NELFA: variants seen among roughly 807,000 people sequenced by gnomAD.
NELFA encodes negative elongation factor complex member A, also known as negative elongation factor A.
In NELFA, 35 loss-of-function variants were observed where a neutral mutation model predicts 51.8. That is an observed-to-expected ratio of 0.68 (90% CI 0.52 to 0.90). NELFA has a LOEUF of 0.90. Among genes scored for constraint, NELFA ranks in the 40% least tolerant of loss-of-function variants. The probability of loss-of-function intolerance (pLI) is 0.00; values close to 1 mark genes in which losing one functional copy is unlikely to be tolerated. For synonymous variants in NELFA, 417 were observed against 338.4 expected, an observed-to-expected ratio of 1.23 and a Z score of -2.55; for missense variants, 658 against 746.4, an observed-to-expected ratio of 0.88 and a Z score of 1.38.
intron 1 of NELFA, 58 bp downstream of exon 1, chr4:2,008,692 G>A: frequency 1.3e-6 from 2 of 1,544,868 alleles, no homozygotes; most frequent in Non-Finnish European, 1.8e-6. Flanking sequence ...TTGGGTGTGC[G>A]GGTCGGAGGT....
At chr4:2,004,171 A>C (rs983288409) in intron 1 of NELFA, 1 of 152,138 alleles carries the variant, frequency 6.6e-6, no homozygotes, top group Non-Finnish European at 1.5e-5. Flanking sequence ...AAAAAGAAAA[A>C]AAAAGAAGAA....
rs75133248 is a variant in NELFA at position 1,987,254 on chromosome 4, C to T, written c.634+664G>A. ...TCAGCCCCACCCATCTGCAAGTTTACCCAGCTGTCTCAGCACAGGACGACA... is the reference window on the plus strand; with the variant it reads ...TCAGCCCCACCCATCTGCAAGTTTATCCAGCTGTCTCAGCACAGGACGACA... On this transcript the variant is annotated intron_variant, in intron 4 of 10. Coordinates refer to ENST00000382882, the MANE Select transcript of NELFA (RefSeq NM_005663.5). Among the ~76,000 whole-genome samples, 499 of 152,322 alleles carry T rather than the reference C, an allele frequency of 3.3e-3. 14 individuals carry two copies. The East Asian group carries it at 0.061, about 19-fold the overall frequency.
At chr4:1,994,562 CAA>C (rs561811060) in intron 1 of NELFA, among the ~76,000 whole-genome samples, 2 of 125,132 alleles carry the variant, frequency 1.6e-5, no homozygotes, top group Non-Finnish European at 1.7e-5. Context: ...AAGAGTCTGT[CAA>C]AAAAAAAAAA....
chr4:2,000,836 C>T (rs1728550689), intron 1 of NELFA, among the ~76,000 whole-genome samples: 1 of 152,080 alleles, frequency 6.6e-6, no homozygotes, highest in Non-Finnish European at 1.5e-5. Flanking sequence ...TGGGAAGAGA[C>T]AACAAAAAAG....
intron 1 of NELFA, 67 bp from the exon 2 acceptor site, chr4:1,991,782 C>G (rs1728276887): frequency 6.7e-7 from 1 of 1,495,618 alleles, no homozygotes. Flanking sequence ...CCCTGCTGAG[C>G]TTCCGGATGG....
chr4:2,007,137 G>A, intron 1 of NELFA: 1 of 434,950 alleles, frequency 2.3e-6, no homozygotes, highest in Non-Finnish European at 4.7e-6. Context: ...AGGTGAGGAG[G>A]TCAAGGCTGC....
rs760311104 is a variant in NELFA, at chr4:1,986,081, C to T, written c.835+33G>A. The stretch of plus-strand genomic sequence containing the variant: ...ACTGGGCAGGGCCCGCAGGGACCCC[C>T]ATTGCCGCCGACACGCAGGCCCCAA... On this transcript the variant is annotated intron_variant, in intron 6 of 10. Transcript: ENST00000382882. 8.4e-6 allele frequency: 13 copies of T among 1,547,792 alleles called. 1 individual carries two copies. The highest frequency in any genetic ancestry group is 2.4e-5 in the South Asian group (2 of 83,940).
chr4:1,986,075 G>C, intron 6 of NELFA, 39 bp downstream of exon 6: 1 of 1,545,648 alleles, frequency 6.5e-7, no homozygotes. Flanking sequence ...GGCCCGCAGG[G>C]ACCCCCATTG....
chr4:1,986,418 A>T lies in NELFA; in HGVS notation c.635-16T>A. 6.2e-7 allele frequency: 1 copy of T among 1,612,692 alleles called. No homozygotes were observed. Among genetic ancestry groups the T allele is most frequent in the Non-Finnish European group, 8.5e-7 (1 of 1,179,654 alleles). On this transcript the variant is annotated splice_polypyrimidine_tract_variant and intron_variant, in intron 4 of 10. Coordinates refer to ENST00000382882, the MANE Select transcript of NELFA (RefSeq NM_005663.5). ...TTGAGTGGGGCTGGAGGACGGCAAC[A>T]GTCAGGGCGCCAGCAGCAGTGACCG...
At chr4:2,007,533 T>G (rs1348942088) in intron 1 of NELFA, among the ~76,000 whole-genome samples, 2 of 152,134 alleles carry the variant, frequency 1.3e-5, no homozygotes, top group Non-Finnish European at 2.9e-5. Context: ...CAAAATACAC[T>G]ATGATACCAT....
intron 1 of NELFA, among the ~76,000 whole-genome samples, chr4:1,996,209 C>T (rs190939828): frequency 2.0e-5 from 3 of 152,242 alleles, no homozygotes; most frequent in African/African-American, 7.2e-5. Context: ...CTCAATACAG[C>T]TAGAAATTAA....
intron 1 of NELFA, among the ~76,000 whole-genome samples, chr4:2,005,804 A>G (rs1728695441): frequency 6.6e-6 from 1 of 152,212 alleles, no homozygotes; most frequent in Admixed American, 6.6e-5. Context: ...GGCATGGAAA[A>G]ATATGAAATA....
Position 1,989,799 on chromosome 4 carries a change from GGTC to G in NELFA, c.450_452del (p.Thr151del), listed in dbSNP as rs1444479532. On this transcript the variant is annotated inframe_deletion, in exon 3 of 11. Transcript: ENST00000382882. This position sits in a 1 kb window ranked among gnomAD's most constrained non-coding sequence, Gnocchi z 4.8. ...CCGGGGGAGTGAGGGGTCCCGCGAG[GGTC>G]GTCAGGGCGTTTTTGTTCAAGTACT... The G allele has an allele frequency of 6.2e-7, 1 of 1,614,098 alleles. No individual in the cohort carries two copies. Among genetic ancestry groups the G allele is most frequent in the Non-Finnish European group, 8.5e-7 (1 of 1,180,050 alleles).
intron 1 of NELFA, among the ~76,000 whole-genome samples, chr4:1,997,767 C>A (rs138084077): frequency 6.6e-6 from 1 of 152,178 alleles, no homozygotes; most frequent in Non-Finnish European, 1.5e-5. Flanking sequence ...AGCACACTCC[C>A]TCCATCATGG....
At chr4:2,004,696 C>G (rs1250965001) in intron 1 of NELFA, among the ~76,000 whole-genome samples, 1 of 149,850 alleles carries the variant, frequency 6.7e-6, no homozygotes, top group Non-Finnish European at 1.5e-5. Context: ...CCATATTGCT[C>G]AGGCTGATCT....
At chr4:1,987,888 A>C in intron 4 of NELFA, 30 bp downstream of exon 4, 4 of 1,567,364 alleles carry the variant, frequency 2.6e-6, no homozygotes, top group Non-Finnish European at 2.6e-6. Context: ...CCCAAAAGCA[A>C]GGCTCACGGC....
In NELFA at chr4:1,983,396, T is replaced by C. The variant is rs2109051748; in HGVS notation, c.1510A>G (p.Thr504Ala). The C allele has an allele frequency of 3.7e-6, 6 of 1,614,222 alleles. No individual in the cohort carries two copies. Among genetic ancestry groups the C allele is most frequent in the South Asian group, 1.1e-5 (1 of 91,086 alleles). Residue 504 changes from threonine to alanine, a missense_variant, in exon 11 of 11, where the codon ACA becomes GCA. Transcript: ENST00000382882. ...GTGGCATAGTTCATCTCAAACACTG[T>C]GTCCACCAGCATGGTTGTGCTACCC... ...GQGSTTMLVDTVFEMNYATGQ... is the reference protein window; with the variant it reads ...GQGSTTMLVDAVFEMNYATGQ...
chr4:2,007,087 G>C, intron 1 of NELFA: 1 of 386,998 alleles, frequency 2.6e-6, no homozygotes, highest in Non-Finnish European at 5.3e-6. Context: ...GTGAAACCCT[G>C]TAGTCCCAGC....
rs1158794416 is a variant in NELFA, at chr4:1,991,642, T to C, written c.284A>G (p.Asp95Gly). 2 of 1,613,976 alleles carry C rather than the reference T, an allele frequency of 1.2e-6. No individual in the cohort carries two copies. Among genetic ancestry groups the C allele is most frequent in the Non-Finnish European group, 1.7e-6 (2 of 1,179,980 alleles). Residue 95 changes from aspartate (D) to glycine (G), a missense_variant, in exon 2 of 11, where the codon GAC (aspartate) becomes GGC (glycine). By Grantham distance (94) the Asp-to-Gly change is moderately conservative. Transcript: ENST00000382882. ...DSDPWVLMVA[D>G]ILKSFPDTGS... ...TGTGTCCGGAAAGGACTTCAAGATG[T>C]CGGCGACCATGAGCACCCAGGGGTC...
Sources: gnomAD v4.1 joint callset for allele counts (sites outside exome capture counted in the v4.1 genomes callset) on GRCh38, gnomAD v4.1.1 for gene constraint, Gnocchi (gnomAD v3.1) non-coding constraint, MANE v1.5 for transcripts, NCBI Gene and HGNC (gene_info 2026-07-23, HGNC 2026-07-21) for gene names.